MANBA: variants seen among roughly 807,000 people sequenced by gnomAD.
MANBA encodes beta-mannosidase.
MANBA carries 83 observed loss-of-function variants against 111.1 expected under a neutral mutation model. The observed-to-expected ratio is 0.75, with a 90% CI of 0.63 to 0.90. MANBA has a LOEUF of 0.90. Ranked by LOEUF, MANBA falls within the 40% of genes least tolerant of loss-of-function variation. The pLI is 0.00. For missense variants in MANBA, 1,036 were observed against 1,069.0 expected (o/e 0.97, Z 0.43); for synonymous variants, 370 against 378.7 (o/e 0.98, Z 0.27).
Position 102,639,749 on chromosome 4 carries a change from T to C in MANBA, c.1978A>G (p.Asn660Asp), listed in dbSNP as rs1729782410. 1.9e-6 allele frequency: 3 copies of C among 1,613,978 alleles called. No homozygotes were observed. Among genetic ancestry groups the C allele is most frequent in the African/African-American group, 1.3e-5 (1 of 74,892 alleles). Residue 660 changes from asparagine to aspartate, a missense_variant, in exon 14 of 17, where the codon AAT (asparagine) becomes GAT (aspartate). By Grantham distance (23) the Asn-to-Asp change is conservative. Coordinates refer to ENST00000647097, the MANE Select transcript of MANBA (RefSeq NM_005908.4). ...CAGGAAGGAGCTTGCCAGATGTCAT[T>C]CAACTGCCAATAAAGTGCCCCCATC... ...HTMGALYWQL[N>D]DIWQAPSWAS...
chr4:102,659,299 G>A (rs1223350938), intron 11 of MANBA, among the ~76,000 whole-genome samples: 2 of 152,208 alleles, frequency 1.3e-5, no homozygotes, highest in Non-Finnish European at 2.9e-5. Context: ...CTTTGGGAAT[G>A]TAAAACATAT....
intron 5 of MANBA, among the ~76,000 whole-genome samples, chr4:102,712,612 G>C (rs1235434196): frequency 2.6e-5 from 4 of 151,180 alleles, no homozygotes; most frequent in African/African-American, 9.8e-5. Context: ...TCTACCTCCT[G>C]AGCTCAAGCG....
At chr4:102,640,234 G>A (rs1439479020) in intron 13 of MANBA, among the ~76,000 whole-genome samples, 1 of 152,144 alleles carries the variant, frequency 6.6e-6, no homozygotes, top group Non-Finnish European at 1.5e-5. Flanking sequence ...GAAAAATTTT[G>A]CTAATACCTT....
chr4:102,712,264 G>C (rs1722106750), intron 5 of MANBA, among the ~76,000 whole-genome samples: 1 of 152,098 alleles, frequency 6.6e-6, no homozygotes, highest in African/African-American at 2.4e-5. Flanking sequence ...TGTTTACACT[G>C]AATCTAAATT....
intron 12 of MANBA, 23 bp from the exon 13 acceptor site, chr4:102,650,724 T>C (rs758623711): frequency 1.2e-6 from 2 of 1,600,930 alleles, no homozygotes; most frequent in Admixed American, 1.7e-5. Flanking sequence ...GAATAAGAAT[T>C]AGAAATCTGA....
chr4:102,688,854 A>T (rs1263533070), intron 7 of MANBA, among the ~76,000 whole-genome samples: 2 of 152,238 alleles, frequency 1.3e-5, no homozygotes, highest in African/African-American at 4.8e-5. Flanking sequence ...CAGAGGAAAT[A>T]AATAAAAGTT....
intron 1 of MANBA, among the ~76,000 whole-genome samples, chr4:102,757,123 A>G (rs988618125): frequency 1.3e-5 from 2 of 152,138 alleles, no homozygotes; most frequent in African/African-American, 2.4e-5. Flanking sequence ...TGAGGTTGGG[A>G]GTTCAAGACC....
intron 2 of MANBA, among the ~76,000 whole-genome samples, chr4:102,725,189 G>T (rs982462458): frequency 6.6e-6 from 1 of 152,162 alleles, no homozygotes; most frequent in African/African-American, 2.4e-5. Flanking sequence ...TTTTGTAACT[G>T]TAAGTATACT....
rs1729396430 is a variant in MANBA, at chr4:102,631,988, T to C, written c.*69A>G. ...GGCTTCTCTCCTTGTCTCTGTTGCC[T>C]TCCTCTCCAGTCGGTGCTTTAGAAA... On this transcript the variant is annotated 3_prime_UTR_variant, in exon 17 of 17. Transcript: ENST00000647097. 1 of 1,334,058 alleles carries C rather than the reference T, an allele frequency of 7.5e-7. No individual in the cohort carries two copies. The highest frequency in any genetic ancestry group is 1.1e-6 in the Non-Finnish European group (1 of 928,980). 82.6% of individuals were successfully genotyped at this position (1,334,058 alleles called of 1,614,324 possible). A position where few individuals can be genotyped will look rare whatever the true frequency, so the allele number is the denominator to read the frequency against.
intron 14 of MANBA, among the ~76,000 whole-genome samples, chr4:102,638,916 C>CA (rs952771679): frequency 9.2e-5 from 14 of 151,832 alleles, no homozygotes; most frequent in South Asian, 4.2e-4. Context: ...GACTCTGTCT[C>CA]AAAAAAAACA....
rs988606781 is a variant in MANBA at position 102,710,126 on chromosome 4, CTCCTA to C, written c.673+4307_673+4311del. On this transcript the variant is annotated intron_variant, in intron 5 of 16. Coordinates refer to ENST00000647097, the MANE Select transcript of MANBA (RefSeq NM_005908.4). ...GGGAAAAAGATGCCCACGTTCACCA[CTCCTA>C]TCCAATAAAATGCTGGAAGTCCTAT... Among the ~76,000 whole-genome samples, 39 of 152,242 alleles carry C rather than the reference CTCCTA, an allele frequency of 2.6e-4. 2 individuals carry two copies. Among genetic ancestry groups the C allele is most frequent in the Middle Eastern group, 3.4e-3 (1 of 294 alleles).
In MANBA at chr4:102,701,498, C is replaced by T. The variant is rs996273560; in HGVS notation, c.674-10727G>A. 2.6e-4 allele frequency among the ~76,000 whole-genome samples: 39 copies of T among 152,146 alleles called. 1 individual carries two copies. Among genetic ancestry groups the T allele is most frequent in the Admixed American group, 6.5e-4 (10 of 15,280 alleles). On this transcript the variant is annotated intron_variant, in intron 5 of 16. Transcript: ENST00000647097. ...GGCATGATTTTGTAGCAGCTGGTAC[C>T]GGTTGTTCCTTTCCATGTTGAGTGC...
intron 5 of MANBA, among the ~76,000 whole-genome samples, chr4:102,705,746 G>A (rs1356555663): frequency 6.6e-6 from 1 of 151,616 alleles, no homozygotes; most frequent in Non-Finnish European, 1.5e-5. Flanking sequence ...CCACTAGAGG[G>A]GTCTGAGGAC....
At chr4:102,744,869 T>C (rs4318652) in intron 1 of MANBA, among the ~76,000 whole-genome samples, 10,665 of 152,198 alleles carry the variant, frequency 0.07, 985 homozygotes, top group African/African-American at 0.22. Flanking sequence ...TAGGTAGGGG[T>C]AGCTCTAATG....
intron 5 of MANBA, among the ~76,000 whole-genome samples, chr4:102,704,321 G>A (rs1327559805): frequency 6.6e-6 from 1 of 152,038 alleles, no homozygotes; most frequent in African/African-American, 2.4e-5. Flanking sequence ...GGGACTACAG[G>A]CATATACCAC....
At chr4:102,678,520 T>C (rs1731821025) in intron 7 of MANBA, among the ~76,000 whole-genome samples, 1 of 151,554 alleles carries the variant, frequency 6.6e-6, no homozygotes, top group Non-Finnish European at 1.5e-5. Context: ...TAAAATTTTT[T>C]AAACAGTCCA....
chr4:102,632,081 C>G lies in MANBA; in HGVS notation c.2616G>C (p.Val872=). 1 of 1,606,554 alleles carries G rather than the reference C, an allele frequency of 6.2e-7. No homozygotes were observed. The highest frequency in any genetic ancestry group is 1.1e-5 in the South Asian group (1 of 90,876). The part of the protein sequence containing the change: ...SKNELEQSFH[V]TSLTDIY ...TTCAGTAAATATCTGTTAAGGAGGT[C>G]ACATGAAAAGATTGCTCCAACTCAT... The change falls in exon 17 of 17, where the codon GTG becomes GTC. Residue 872 remains valine, a synonymous_variant. Transcript: ENST00000647097.
chr4:102,640,200 G>A (rs531972709), intron 13 of MANBA, among the ~76,000 whole-genome samples: 1 of 152,222 alleles, frequency 6.6e-6, no homozygotes, highest in East Asian at 1.9e-4. Context: ...GCTATATATA[G>A]TCCAAAACTA....
chr4:102,704,909 T>C (rs1733229137), intron 5 of MANBA, among the ~76,000 whole-genome samples: 1 of 152,214 alleles, frequency 6.6e-6, no homozygotes, highest in Non-Finnish European at 1.5e-5. Flanking sequence ...AGGAAACATA[T>C]ATTTCTCTAT....
Sources: allele counts gnomAD v4.1 joint callset (sites outside exome capture counted in the v4.1 genomes callset), GRCh38; gene constraint gnomAD v4.1.1; transcripts MANE v1.5; gene names NCBI Gene and HGNC (gene_info 2026-07-23, HGNC 2026-07-21).